The following PARVB variants were observed in gnomAD, a reference collection of about 807,000 sequenced individuals.
PARVB encodes the protein parvin beta, also known as beta-parvin.
Under a neutral mutation model 47.0 loss-of-function variants are expected in PARVB, and 46 were observed. The observed-to-expected ratio is 0.98, with a 90% CI of 0.77 to 1.25. The LOEUF is 1.25. PARVB is among the 50% of genes most tolerant of loss of function. The pLI, the probability that PARVB is intolerant of heterozygous loss-of-function variation, is 0.00. For synonymous variants in PARVB, 196 were observed against 196.3 expected (o/e 1.00, Z 0.01); for missense variants, 473 against 471.6 (o/e 1.00, Z -0.03).
chr22:44,024,257 C>G (rs2050690299), upstream of PARVB: 5 of 742,482 alleles, frequency 6.7e-6, no homozygotes, highest in African/African-American at 1.9e-5. Context: ...GGGCCGGCGG[C>G]GGGGCCGCGC....
chr22:44,090,196 C>A (rs2052131699), intron 1 of PARVB, among the ~76,000 whole-genome samples: 1 of 152,220 alleles, frequency 6.6e-6, no homozygotes, highest in South Asian at 2.1e-4. Context: ...GAGGGGACTT[C>A]CCCGAAGCCA....
At chr22:44,135,467 C>G (rs1387986105) in intron 6 of PARVB, among the ~76,000 whole-genome samples, 1 of 152,140 alleles carries the variant, frequency 6.6e-6, no homozygotes, top group Non-Finnish European at 1.5e-5. Context: ...CCATGTTGGC[C>G]AGAATGGTCT....
At position 44,132,989 on chromosome 22, in the gene PARVB, G is replaced by C; in HGVS notation, c.613G>C (p.Val205Leu). The C allele has an allele frequency of 1.9e-6, 3 of 1,613,676 alleles. No individual in the cohort carries two copies. Among genetic ancestry groups the C allele is most frequent in the East Asian group, 4.5e-5 (2 of 44,838 alleles). ...APIRLPEHVT[V>L]QVVVVRKREG... is the part of the protein sequence containing the mutation. ...CATCCGCCTTCCTGAGCATGTAACG[G>C]TGCAGGTGGTGGTCGTGCGGGTGAG... is the stretch of plus-strand genomic sequence containing the variant. Residue 205 changes from valine (V) to leucine (L), a missense_variant, in exon 6 of 13, where the codon GTG (valine) becomes CTG (leucine). Transcript: ENST00000338758.
At chr22:44,035,994 A>C (rs1245674038) in intron 1 of PARVB, among the ~76,000 whole-genome samples, 1 of 152,128 alleles carries the variant, frequency 6.6e-6, no homozygotes, top group East Asian at 1.9e-4. Context: ...GCAGTGGCTC[A>C]CGCCTGTAAT....
chr22:44,120,632 C>G (rs1335667897), intron 4 of PARVB, among the ~76,000 whole-genome samples: 1 of 152,072 alleles, frequency 6.6e-6, no homozygotes, highest in Non-Finnish European at 1.5e-5. Flanking sequence ...ATGGGTTTCT[C>G]CATTGTAAAG....
At chr22:44,082,481 T>G (rs542415908) in intron 1 of PARVB, among the ~76,000 whole-genome samples, 45 of 152,208 alleles carry the variant, frequency 3.0e-4, no homozygotes, top group African/African-American at 1.0e-3. Context: ...ATCGAGCCAC[T>G]GCACTCCAGC....
rs112326067 is a variant in PARVB at position 44,004,042 on chromosome 22, G to A, written c.211+4369G>A. Among the ~76,000 whole-genome samples the A allele has an allele frequency of 6.4e-4, 98 of 152,356 alleles. 1 individual carries two copies. Among genetic ancestry groups the A allele is most frequent in the African/African-American group, 2.1e-3 (89 of 41,588 alleles). ...GCCCTTCCCCACTCTTGGGATGGAA[G>A]CCTCTAGAACAGGATGGAGAGGGGT... On this transcript the variant is annotated intron_variant, in intron 2 of 13. Transcript: ENST00000406477.
chr22:44,159,756 C>T (rs1397621208), intron 11 of PARVB, among the ~76,000 whole-genome samples: 1 of 152,148 alleles, frequency 6.6e-6, no homozygotes, highest in Non-Finnish European at 1.5e-5. Flanking sequence ...TGGGTGGTCC[C>T]TGCTGTGGAG....
chr22:44,107,931 T>G (rs942234081), intron 3 of PARVB: 3 of 151,822 alleles, frequency 2.0e-5, no homozygotes, highest in African/African-American at 2.4e-5. Context: ...TACAGTGCAG[T>G]GGTGCAATCT....
chr22:44,120,965 T>G (rs1303313036), intron 4 of PARVB, among the ~76,000 whole-genome samples: 2 of 152,036 alleles, frequency 1.3e-5, no homozygotes, highest in African/African-American at 4.8e-5. Context: ...TGCCTTAGCC[T>G]CCTGAGTAGC....
chr22:44,078,200 G>A (rs1331188450), intron 1 of PARVB, among the ~76,000 whole-genome samples: 1 of 152,186 alleles, frequency 6.6e-6, no homozygotes, highest in African/African-American at 2.4e-5. Context: ...TGGACACAGT[G>A]TGTCTGTCTC....
intron 3 of PARVB, among the ~76,000 whole-genome samples, chr22:44,117,467 C>T (rs1395569801): frequency 6.6e-6 from 1 of 152,108 alleles, no homozygotes; most frequent in Non-Finnish European, 1.5e-5. Context: ...CTCTCCCTCC[C>T]CCTGCCAGCC....
chr22:44,004,730 G>A (rs1459442780), intron 2 of PARVB, among the ~76,000 whole-genome samples: 1 of 152,136 alleles, frequency 6.6e-6, no homozygotes, highest in Non-Finnish European at 1.5e-5. Flanking sequence ...ACCTATGTCC[G>A]GCTGAGCTGG....
At chr22:44,113,858 T>A (rs1601621930) in intron 3 of PARVB, 1 of 48,212 alleles carries the variant, frequency 2.1e-5, no homozygotes, top group Non-Finnish European at 3.6e-5. Context: ...ACAGATACAT[T>A]GTTACTAAGG....
intron 10 of PARVB, among the ~76,000 whole-genome samples, 196 bp from the exon 11 acceptor site, chr22:44,157,786 G>A (rs552866430): frequency 1.3e-5 from 2 of 152,252 alleles, no homozygotes; most frequent in East Asian, 1.9e-4. Flanking sequence ...GGCTGAGGTG[G>A]GAGAATCGCC....
rs564925171 is a variant in PARVB, at chr22:44,125,457, T to A, written c.377-6030T>A. Among the ~76,000 whole-genome samples, 37 of 151,730 alleles carry A rather than the reference T, an allele frequency of 2.4e-4. No individual in the cohort carries two copies. The highest frequency in any genetic ancestry group is 4.7e-4 in the Non-Finnish European group (32 of 67,926). ...CTAGGAGGAAAGTAATAGAAGGTTA[T>A]GGGGTACAGTGGTGGGTGGGGGTTG... On this transcript the variant is annotated intron_variant, in intron 4 of 12. Coordinates refer to ENST00000338758, the MANE Select transcript of PARVB (RefSeq NM_013327.5). The surrounding 1 kb of genome is among the most constrained non-coding windows in gnomAD (Gnocchi z 4.1).
At chr22:44,016,365 G>A (rs1603423035) in intron 2 of PARVB, among the ~76,000 whole-genome samples, 1 of 152,156 alleles carries the variant, frequency 6.6e-6, no homozygotes, top group East Asian at 1.9e-4. Flanking sequence ...CAAAGTGCTG[G>A]GATTACAGGC....
chr22:44,132,415 C>G (rs2053348202), intron 5 of PARVB, among the ~76,000 whole-genome samples: 1 of 152,210 alleles, frequency 6.6e-6, no homozygotes, highest in Non-Finnish European at 1.5e-5. Context: ...AGAGGACAGA[C>G]TCAGGCAAGG....
intron 6 of PARVB, among the ~76,000 whole-genome samples, chr22:44,135,467 C>T (rs1387986105): frequency 6.6e-6 from 1 of 152,140 alleles, no homozygotes; most frequent in East Asian, 1.9e-4. Flanking sequence ...CCATGTTGGC[C>T]AGAATGGTCT....
Sources: gnomAD v4.1 joint callset for allele counts (sites outside exome capture counted in the v4.1 genomes callset) on GRCh38, gnomAD v4.1.1 for gene constraint, Gnocchi (gnomAD v3.1) non-coding constraint, MANE v1.5 for transcripts, NCBI Gene and HGNC (gene_info 2026-07-23, HGNC 2026-07-21) for gene names.